Variants in AVEN observed in about 807,000 individuals in gnomAD.
AVEN encodes the protein apoptosis and caspase activation inhibitor, also known as cell death regulator Aven.
A neutral mutation model predicts 38.1 loss-of-function variants in AVEN; 41 were observed. The ratio of observed to expected loss-of-function variants is 1.08; its 90% CI spans 0.84 to 1.40. The LOEUF is 1.40. AVEN is among the 40% of genes most tolerant of loss of function. The pLI is 0.00. For synonymous variants in AVEN, 206 were observed against 171.8 expected, an observed-to-expected ratio of 1.20 and a Z score of -1.56; for missense variants, 605 against 438.8, an observed-to-expected ratio of 1.38 and a Z score of -3.38.
chr15:33,863,575 G>A (rs772617237), downstream of AVEN, among the ~76,000 whole-genome samples: 45 of 152,172 alleles, frequency 3.0e-4, no homozygotes, highest in Non-Finnish European at 5.1e-4. Flanking sequence ...ATACTTATGT[G>A]TCACAGACAA....
At chr15:33,911,780 A>C (rs886881579) in intron 2 of AVEN, among the ~76,000 whole-genome samples, 1 of 152,222 alleles carries the variant, frequency 6.6e-6, no homozygotes, top group Non-Finnish European at 1.5e-5. Flanking sequence ...ATTTGTTATA[A>C]ACTACACAGA....
chr15:33,940,752 G>C (rs1894285823), intron 2 of AVEN, among the ~76,000 whole-genome samples: 1 of 152,110 alleles, frequency 6.6e-6, no homozygotes, highest in Admixed American at 6.5e-5. Context: ...ATGTTGGCCA[G>C]GCTGGTCTCA....
chr15:34,057,594 G>C (rs1467080250), intron 5 of AVEN, among the ~76,000 whole-genome samples: 1 of 152,124 alleles, frequency 6.6e-6, no homozygotes, highest in East Asian at 1.9e-4. Context: ...CCACCTCAAA[G>C]TTTAAAATCT....
At chr15:34,070,592 A>T (rs532175868) in exon 2 of AVEN, among the ~76,000 whole-genome samples, 11 of 152,226 alleles carry the variant, frequency 7.2e-5, no homozygotes, top group Admixed American at 6.5e-4. Context: ...GGGTACCTTT[A>T]TGAAGTGATC....
At chr15:33,978,960 C>T (rs1002348616) in intron 2 of AVEN, among the ~76,000 whole-genome samples, 51 of 151,936 alleles carry the variant, frequency 3.4e-4, no homozygotes, top group Non-Finnish European at 5.9e-5. Context: ...GGTAGCAGAA[C>T]AAGATAAATA....
intron 2 of AVEN, among the ~76,000 whole-genome samples, chr15:33,982,540 T>C (rs1896199181): frequency 6.6e-6 from 1 of 152,264 alleles, no homozygotes; most frequent in African/African-American, 2.4e-5. Context: ...TTTGATTGAC[T>C]GCTATTAACT....
intron 2 of AVEN, among the ~76,000 whole-genome samples, chr15:33,960,206 T>C (rs1373360289): frequency 1.3e-5 from 2 of 152,168 alleles, no homozygotes; most frequent in South Asian, 2.1e-4. Flanking sequence ...TCAATGCCTT[T>C]TGGAGATTTA....
upstream of AVEN, among the ~76,000 whole-genome samples, chr15:34,042,699 G>A (rs534090040): frequency 7.5e-4 from 114 of 151,898 alleles, no homozygotes; most frequent in African/African-American, 2.7e-3. Context: ...CACCGTGCCC[G>A]GCAACCTAAG....
intron 11 of AVEN, among the ~76,000 whole-genome samples, chr15:33,860,267 C>G (rs2080199116): frequency 6.6e-6 from 1 of 152,048 alleles, no homozygotes; most frequent in African/African-American, 2.4e-5. Context: ...GTCAGAGGTG[C>G]TAGGAGAAGA....
chr15:34,020,008 A>G (rs1359958601), intron 1 of AVEN, among the ~76,000 whole-genome samples: 1 of 152,220 alleles, frequency 6.6e-6, no homozygotes, highest in Non-Finnish European at 1.5e-5. Context: ...CACCTTTTCC[A>G]TGCCTCAAAA....
chr15:34,052,349 A>G (rs1899953963), intron 5 of AVEN, among the ~76,000 whole-genome samples: 1 of 152,174 alleles, frequency 6.6e-6, no homozygotes, highest in Admixed American at 6.5e-5. Context: ...ACATACCACA[A>G]AATAATAAAA....
exon 3 of AVEN, chr15:34,066,728 T>C (rs1365348032): frequency 1.3e-5 from 2 of 151,718 alleles, no homozygotes; most frequent in African/African-American, 4.9e-5. Flanking sequence ...AGCAGGAGGA[T>C]CGCATGAGCC....
At chr15:34,065,228 T>C (rs1033422879) in intron 4 of AVEN, 11 of 152,544 alleles carry the variant, frequency 7.2e-5, no homozygotes, top group Middle Eastern at 3.4e-3. Flanking sequence ...AGCCCTTCAC[T>C]GGCTGAAGAT....
intron 2 of AVEN, among the ~76,000 whole-genome samples, chr15:33,914,990 G>A (rs1017376533): frequency 2.6e-5 from 4 of 152,138 alleles, no homozygotes; most frequent in African/African-American, 9.7e-5. Flanking sequence ...TTGGGAAACA[G>A]CAGGGACAAG....
chr15:34,019,798 T>C (rs1898122451), intron 1 of AVEN, among the ~76,000 whole-genome samples: 1 of 152,244 alleles, frequency 6.6e-6, no homozygotes, highest in South Asian at 2.1e-4. Context: ...TCTAGGTTTA[T>C]GTAAGTACCC....
At position 34,003,202 on chromosome 15, in the gene AVEN, T is replaced by C; in HGVS notation, c.275A>G (p.Asp92Gly). Residue 92 changes from aspartate to glycine, a missense_variant, in exon 2 of 6, where the codon GAT (aspartate) becomes GGT (glycine). Coordinates refer to ENST00000306730, the MANE Select transcript of AVEN (RefSeq NM_020371.3). ...WGAGASAPVE[D>G]DSDAETYGEE... The stretch of plus-strand genomic sequence containing the variant: ...TCCATAGGTCTCTGCATCGCTGTCA[T>C]CTTCAACCTGCAATCATTAGAGACA... 1 of 1,613,330 alleles carries C rather than the reference T, an allele frequency of 6.2e-7. No homozygotes were observed. The highest frequency in any genetic ancestry group is 1.1e-5 in the South Asian group (1 of 91,024).
intron 2 of AVEN, among the ~76,000 whole-genome samples, chr15:33,919,001 A>T (rs1490788062): frequency 6.9e-6 from 1 of 145,104 alleles, no homozygotes; most frequent in Admixed American, 6.9e-5. Flanking sequence ...GCTCACTGCA[A>T]CCTCCGCCTC....
downstream of AVEN, among the ~76,000 whole-genome samples, chr15:33,854,174 T>G (rs966202223): frequency 1.5e-5 from 2 of 137,754 alleles, no homozygotes; most frequent in African/African-American, 5.5e-5. Context: ...CCAGCCTGGG[T>G]GATAGAGTGA....
At chr15:33,880,959 A>G (rs916547065) in intron 2 of AVEN, among the ~76,000 whole-genome samples, 1 of 152,204 alleles carries the variant, frequency 6.6e-6, no homozygotes, top group African/African-American at 2.4e-5. Flanking sequence ...GTTAGAGAAA[A>G]ATGAGTTACC....
Sources: gnomAD v4.1 joint callset for allele counts (sites outside exome capture counted in the v4.1 genomes callset) on GRCh38, gnomAD v4.1.1 for gene constraint, MANE v1.5 for transcripts, NCBI Gene and HGNC (gene_info 2026-07-23, HGNC 2026-07-21) for gene names.